Variants in LMO3 observed in about 807,000 individuals in gnomAD.
LMO3 encodes LIM domain only 3, also known as LIM domain only protein 3.
LMO3 carries 2 observed loss-of-function variants against 15.8 expected under a neutral mutation model. That is an observed-to-expected ratio of 0.13 (90% CI 0.05 to 0.40). The LOEUF is 0.40. Ranked by LOEUF, LMO3 falls within the 10% of genes least tolerant of loss-of-function variation. The pLI, the probability that LMO3 is intolerant of heterozygous loss-of-function variation, is 0.99. For synonymous variants in LMO3, 62 were observed against 63.8 expected, an observed-to-expected ratio of 0.97 and a Z score of 0.13; for missense variants, 86 against 182.2, an observed-to-expected ratio of 0.47 and a Z score of 3.04.
In LMO3 at chr12:16,604,209, T is replaced by C. The variant is rs1217752629; in HGVS notation, c.-9+1857A>G. On this transcript the variant is annotated intron_variant, in intron 1 of 3. Coordinates refer to ENST00000537304, the MANE Select transcript of LMO3 (RefSeq NM_018640.5). The surrounding 1 kb of genome is among the most constrained non-coding windows in gnomAD (Gnocchi z 5.3). ...ACTGGATTGGGCCTAAAAGCTTGTT[T>C]CTCTCTGTTCACTGGCCCAGAGCAT... 6.6e-6 allele frequency among the ~76,000 whole-genome samples: 1 copy of C among 152,110 alleles called. No homozygotes were observed. The highest frequency in any genetic ancestry group is 1.5e-5 in the Non-Finnish European group (1 of 68,022).
chr12:16,551,667 AAAAG>A (rs1412681936), intron 3 of LMO3, among the ~76,000 whole-genome samples: 2 of 151,934 alleles, frequency 1.3e-5, no homozygotes, highest in East Asian at 3.8e-4. Flanking sequence ...CCATTAAAAT[AAAAG>A]AAAGAATGAT....
At chr12:16,601,915 A>T (rs551954305) in intron 1 of LMO3, 1 of 152,316 alleles carries the variant, frequency 6.6e-6, no homozygotes, top group South Asian at 2.1e-4. Flanking sequence ...AAGCTGGACC[A>T]ACTATCCAAT....
chr12:16,592,573 C>T (rs1199883795), intron 2 of LMO3, among the ~76,000 whole-genome samples: 1 of 151,956 alleles, frequency 6.6e-6, no homozygotes, highest in African/African-American at 2.4e-5. Context: ...ATCCACTTCC[C>T]TTACTCCTAC....
intron 1 of LMO3, among the ~76,000 whole-genome samples, chr12:16,602,563 G>A (rs1030341540): frequency 3.7e-4 from 57 of 152,216 alleles, no homozygotes; most frequent in African/African-American, 1.4e-3. Context: ...CAGACTAACA[G>A]CTGGATTTGT....
intron 2 of LMO3, among the ~76,000 whole-genome samples, chr12:16,595,867 A>C (rs552301407): frequency 6.6e-6 from 1 of 151,592 alleles, no homozygotes; most frequent in East Asian, 1.9e-4. Context: ...TAGAACAGTA[A>C]AAAGTGGTTT....
chr12:16,600,399 T>C (rs1367411595), intron 2 of LMO3: 4 of 342,522 alleles, frequency 1.2e-5, no homozygotes, highest in Admixed American at 4.4e-5. Context: ...AGTTTCAACA[T>C]AGGCAGCGCC....
Position 16,600,763 on chromosome 12 carries a change from C to T in LMO3, c.98G>A (p.Trp33Ter), listed in dbSNP as rs1251389924. ...RYLLKALDKY[W>*]HEDCLKCACC... ...GGCACACTTCAGGCAGTCTTCATGC[C>T]AGTATTTGTCCAGTGCCTTTAGAAG... The change falls in exon 2 of 4, where the codon TGG (tryptophan) becomes TAG (stop). Residue 33 changes from tryptophan to a stop codon, truncating the protein, a stop_gained. Coordinates refer to ENST00000537304, the MANE Select transcript of LMO3 (RefSeq NM_018640.5). LOFTEE classifies it high-confidence loss of function. 1 of 1,614,076 alleles carries T rather than the reference C, an allele frequency of 6.2e-7. No individual in the cohort carries two copies. Among genetic ancestry groups the T allele is most frequent in the Admixed American group, 1.7e-5 (1 of 60,008 alleles).
chr12:16,556,757 T>C (rs956627681), intron 3 of LMO3, among the ~76,000 whole-genome samples: 13 of 152,210 alleles, frequency 8.5e-5, no homozygotes, highest in Non-Finnish European at 1.6e-4. Flanking sequence ...TTCTGTATCC[T>C]GGGTAACAAA....
At chr12:16,566,093 C>T (rs537891611) in intron 2 of LMO3, among the ~76,000 whole-genome samples, 3 of 137,966 alleles carry the variant, frequency 2.2e-5, no homozygotes, top group Non-Finnish European at 4.6e-5. Context: ...CATTTGTGAC[C>T]ACCTGGATGA....
rs149429096 is a variant in LMO3, at chr12:16,576,005, AC to A, written c.207-15468del. The stretch of plus-strand genomic sequence containing the variant: ...CTTTGAATTTGCCTCCTCTTCTCAG[AC>A]CCCCAAATCTAGCCCTGCCGCTGTG... On this transcript the variant is annotated intron_variant, in intron 2 of 3. Transcript: ENST00000537304. The surrounding 1 kb of genome is among the most constrained non-coding windows in gnomAD (Gnocchi z 4.1). Among the ~76,000 whole-genome samples the A allele has an allele frequency of 0.024, 3,675 of 151,838 alleles. 138 individuals carry two copies. The highest frequency in any genetic ancestry group is 0.084 in the African/African-American group (3,481 of 41,362).
Position 16,560,575 on chromosome 12 carries a change from T to C in LMO3, c.207-37A>G, listed in dbSNP as rs749273263. 3.2e-6 allele frequency: 5 copies of C among 1,584,182 alleles called. No individual in the cohort carries two copies. The African/African-American group carries it at 5.4e-5, about 17-fold the overall frequency. On this transcript the variant is annotated intron_variant, in intron 2 of 3. Coordinates refer to ENST00000537304, the MANE Select transcript of LMO3 (RefSeq NM_018640.5). The surrounding 1 kb of genome is among the most constrained non-coding windows in gnomAD (Gnocchi z 5.0). Reference sequence around the variant, plus strand: ...AACATTTTTTTTTTTTTACAAACTCTTACAGAGAAATCTGAGATCGTGAAG... The same window carrying C: ...AACATTTTTTTTTTTTTACAAACTCCTACAGAGAAATCTGAGATCGTGAAG...
Position 16,586,301 on chromosome 12 carries a change from C to T in LMO3, c.206+14354G>A, listed in dbSNP as rs552277709. ...CACAGAGTGTTAAGATGTCATGATA[C>T]GATGAAGTCCACATACGGAACAACT... On this transcript the variant is annotated intron_variant, in intron 2 of 3. Coordinates refer to ENST00000537304, the MANE Select transcript of LMO3 (RefSeq NM_018640.5). This position sits in a 1 kb window ranked among gnomAD's most constrained non-coding sequence, Gnocchi z 4.3. Among the ~76,000 whole-genome samples the T allele has an allele frequency of 2.6e-5, 4 of 152,236 alleles. No individual in the cohort carries two copies. The highest frequency in any genetic ancestry group is 2.1e-4 in the South Asian group (1 of 4,822).
At chr12:16,553,025 G>A (rs374973660) in intron 3 of LMO3, among the ~76,000 whole-genome samples, 1 of 152,070 alleles carries the variant, frequency 6.6e-6, no homozygotes, top group Non-Finnish European at 1.5e-5. Context: ...CTTGTGGCAA[G>A]GAGTAGAAAT....
intron 2 of LMO3, among the ~76,000 whole-genome samples, chr12:16,590,946 A>G (rs1943477588): frequency 6.6e-6 from 1 of 152,066 alleles, no homozygotes; most frequent in Non-Finnish European, 1.5e-5. Flanking sequence ...AGACATCCAA[A>G]AAAACTTCCA....
In LMO3 at chr12:16,601,075, C is replaced by A. The variant is rs939039966; in HGVS notation, c.-8-207G>T. ...TAAATCATTCAAAAAGTTACACATGCCAAGTGACAATAATAATAAATTCAT... is the reference window on the plus strand; with the variant it reads ...TAAATCATTCAAAAAGTTACACATGACAAGTGACAATAATAATAAATTCAT... On this transcript the variant is annotated intron_variant, in intron 1 of 3. Transcript: ENST00000537304. Among the ~76,000 whole-genome samples, 4 of 152,176 alleles carry A rather than the reference C, an allele frequency of 2.6e-5. No individual in the cohort carries two copies. In the South Asian group the frequency reaches 8.3e-4, roughly 32 times the overall value.
In LMO3 at chr12:16,549,740, G is replaced by C. The variant is rs1941917150; in HGVS notation, c.*1482C>G. The C allele has an allele frequency of 6.6e-6, 1 of 152,098 alleles. No individual in the cohort carries two copies. The highest frequency in any genetic ancestry group is 1.5e-5 in the Non-Finnish European group (1 of 67,972). The allele number at this position is 152,098 out of a possible 1,614,324, so 9.4% of individuals were successfully genotyped here. On this transcript the variant is annotated 3_prime_UTR_variant, in exon 4 of 4. Transcript: ENST00000537304. ...TTTGTTGAAAAGTAGTTCTATTACAGGGAGCAAAAGCAAAGAAGCAAGTTT... is the reference window on the plus strand; with the variant it reads ...TTTGTTGAAAAGTAGTTCTATTACACGGAGCAAAAGCAAAGAAGCAAGTTT...
At position 16,589,625 on chromosome 12, in the gene LMO3, T is replaced by C. The variant is rs1220428723; in HGVS notation, c.206+11030A>G. On this transcript the variant is annotated intron_variant, in intron 2 of 3. Coordinates refer to ENST00000537304, the MANE Select transcript of LMO3 (RefSeq NM_018640.5). The surrounding 1 kb of genome is among the most constrained non-coding windows in gnomAD (Gnocchi z 4.2). ...TCTATTATAAAGACAGTGGTTTGTT[T>C]AATAACTATCACTGACAAGATTATT... is the stretch of plus-strand genomic sequence containing the variant. 2 of 152,132 alleles carry C rather than the reference T, an allele frequency of 1.3e-5. No individual in the cohort carries two copies. Among genetic ancestry groups the C allele is most frequent in the Non-Finnish European group, 2.9e-5 (2 of 68,002 alleles). The allele number at this position is 152,132 out of a possible 1,614,324, so 9.4% of individuals were successfully genotyped here.
intron 2 of LMO3, among the ~76,000 whole-genome samples, chr12:16,564,900 C>G (rs1942538399): frequency 6.6e-6 from 1 of 152,094 alleles, no homozygotes; most frequent in Non-Finnish European, 1.5e-5. Flanking sequence ...ATCTTCGTGC[C>G]TCAGCTCCCC....
chr12:16,603,674 AT>A lies in LMO3; in HGVS notation c.-9+2391del, dbSNP rs1220815001. Among the ~76,000 whole-genome samples the A allele has an allele frequency of 6.6e-6, 1 of 152,226 alleles. No individual in the cohort carries two copies. Among genetic ancestry groups the A allele is most frequent in the Non-Finnish European group, 1.5e-5 (1 of 68,034 alleles). ...GTGCAGAAATAAGTAGAACCATTTC[AT>A]TTAAACTCTGGTGAGCTTTTAATTG... On this transcript the variant is annotated intron_variant, in intron 1 of 3. Transcript: ENST00000537304. The surrounding 1 kb of genome is among the most constrained non-coding windows in gnomAD (Gnocchi z 4.9).
Sources: gnomAD v4.1 joint callset for allele counts (sites outside exome capture counted in the v4.1 genomes callset) on GRCh38, gnomAD v4.1.1 for gene constraint, Gnocchi (gnomAD v3.1) non-coding constraint, MANE v1.5 for transcripts, NCBI Gene and HGNC (gene_info 2026-07-23, HGNC 2026-07-21) for gene names.